Variants in TMEM245 observed in about 807,000 individuals in gnomAD.
TMEM245 encodes the protein protein CG-2.
Under a neutral mutation model 101.2 loss-of-function variants are expected in TMEM245, and 69 were observed. The observed-to-expected ratio is 0.68, with a 90% CI of 0.56 to 0.83. The LOEUF (loss-of-function observed/expected upper bound fraction) is 0.83, where lower values mean the gene tolerates loss of function less well. Among genes scored for constraint, TMEM245 ranks in the 40% least tolerant of loss-of-function variants. The pLI, the probability that TMEM245 is intolerant of heterozygous loss-of-function variation, is 0.00. For missense variants in TMEM245, 1,075 were observed against 1,092.8 expected, an observed-to-expected ratio of 0.98 and a Z score of 0.23; for synonymous variants, 537 against 449.8, an observed-to-expected ratio of 1.19 and a Z score of -2.45.
intron 12 of TMEM245, among the ~76,000 whole-genome samples, chr9:109,053,869 G>A (rs1197498684): frequency 6.6e-6 from 1 of 152,228 alleles, no homozygotes; most frequent in Non-Finnish European, 1.5e-5. Flanking sequence ...TGGCAGAACT[G>A]AGCCACCTCT....
intron 14 of TMEM245, 23 bp from the exon 15 acceptor site, chr9:109,038,140 G>GA (rs757963683): frequency 1.9e-5 from 30 of 1,584,962 alleles, no homozygotes; most frequent in Non-Finnish European, 2.5e-5. Flanking sequence ...AAGATAAAAA[G>GA]AAAGAGTAAA....
In TMEM245 at chr9:109,106,532, T is replaced by G; in HGVS notation, c.775A>C (p.Lys259Gln). The G allele has an allele frequency of 1.2e-6, 2 of 1,611,134 alleles. No homozygotes were observed. Among genetic ancestry groups the G allele is most frequent in the Non-Finnish European group, 1.7e-6 (2 of 1,178,254 alleles). The change falls in exon 3 of 18, where the codon AAA becomes CAA. Residue 259 changes from lysine to glutamine, a missense_variant. Coordinates refer to ENST00000374586, the MANE Select transcript of TMEM245 (RefSeq NM_032012.4). ...FLMSVGTLYE[K>Q]QNGKESSGAE... ...CCAGAAGACTCTTTTCCATTCTGTT[T>G]TTCATAGAGGGTACCCACAGACATC...
chr9:109,103,350 C>T (rs942605238), intron 3 of TMEM245, among the ~76,000 whole-genome samples: 35 of 152,156 alleles, frequency 2.3e-4, no homozygotes, highest in Admixed American at 2.3e-3. Context: ...AACAATTCCA[C>T]ATGATAGTAT....
At chr9:109,093,332 G>T in intron 4 of TMEM245, 143 bp downstream of exon 4, 1 of 656,516 alleles carries the variant, frequency 1.5e-6, no homozygotes. Flanking sequence ...GAGGGAAAAG[G>T]GCATAAAAAT....
At chr9:109,103,730 C>T (rs1227842652) in intron 3 of TMEM245, among the ~76,000 whole-genome samples, 1 of 151,942 alleles carries the variant, frequency 6.6e-6, no homozygotes, top group Admixed American at 6.6e-5. Flanking sequence ...TTACCAGAGG[C>T]TGGGAAGGAT....
At chr9:109,039,098 T>C (rs1053406699) in intron 14 of TMEM245, 9 of 152,178 alleles carry the variant, frequency 5.9e-5, no homozygotes, top group African/African-American at 2.2e-4. Context: ...ACACCAAGCT[T>C]TTCTAAAGCA....
chr9:109,094,627 T>C (rs1830092135), intron 3 of TMEM245, among the ~76,000 whole-genome samples: 1 of 152,228 alleles, frequency 6.6e-6, no homozygotes, highest in Non-Finnish European at 1.5e-5. Flanking sequence ...ATTGCACTGC[T>C]TCCACCTGTG....
At chr9:109,095,070 G>A (rs140121940) in intron 3 of TMEM245, among the ~76,000 whole-genome samples, 1,745 of 152,192 alleles carry the variant, frequency 0.011, 14 homozygotes, top group South Asian at 0.031. Flanking sequence ...TCTAATAAAT[G>A]CCCCTGTGAC....
intron 3 of TMEM245, among the ~76,000 whole-genome samples, chr9:109,094,170 T>C (rs1231679985): frequency 1.3e-5 from 2 of 152,234 alleles, no homozygotes; most frequent in Non-Finnish European, 2.9e-5. Context: ...CCATGTTAAA[T>C]TCCTAATAGG....
intron 9 of TMEM245, among the ~76,000 whole-genome samples, chr9:109,068,101 C>T (rs1829222049): frequency 6.6e-6 from 1 of 152,180 alleles, no homozygotes; most frequent in Non-Finnish European, 1.5e-5. Context: ...GACGCGGTCA[C>T]TCAAGTCTGT....
chr9:109,063,351 C>T (rs1286695460), intron 10 of TMEM245, among the ~76,000 whole-genome samples: 1 of 152,136 alleles, frequency 6.6e-6, no homozygotes. Flanking sequence ...AACTCTTGAC[C>T]CCATGATCCG....
At chr9:109,067,870 G>C (rs370919162) in intron 9 of TMEM245, among the ~76,000 whole-genome samples, 1 of 152,152 alleles carries the variant, frequency 6.6e-6, no homozygotes, top group Admixed American at 6.5e-5. Flanking sequence ...ATTCTTAACT[G>C]TATCTTCTCC....
At chr9:109,073,875 TA>T (rs1829414707) in intron 8 of TMEM245, among the ~76,000 whole-genome samples, 1 of 149,668 alleles carries the variant, frequency 6.7e-6, no homozygotes, top group Admixed American at 6.7e-5. Flanking sequence ...TTTTTTTTTT[TA>T]GCCAGGTTCT....
chr9:109,050,668 T>A lies in TMEM245; in HGVS notation c.1879A>T (p.Met627Leu). 1 of 1,612,606 alleles carries A rather than the reference T, an allele frequency of 6.2e-7. No individual in the cohort carries two copies. The highest frequency in any genetic ancestry group is 8.5e-7 in the Non-Finnish European group (1 of 1,179,796). Residue 627 changes from methionine (M) to leucine (L), a missense_variant, in exon 13 of 18, where the codon ATG becomes TTG. Met to Leu is a conservative substitution (Grantham distance 15, BLOSUM62 2). This residue lies in a region of TMEM245 where 267 missense variants were observed against 351.3 expected (regional missense o/e 0.76). Coordinates refer to ENST00000374586, the MANE Select transcript of TMEM245 (RefSeq NM_032012.4). ...AACAGCAGGCTCACATTCCGGCTCA[T>A]AACGATCCACAGAGACTCCAAGATC... is the stretch of plus-strand genomic sequence containing the variant. ...LSILESLWIV[M>L]SRNVSLLFTT...
intron 3 of TMEM245, among the ~76,000 whole-genome samples, chr9:109,097,564 A>G (rs768652761): frequency 1.1e-4 from 17 of 152,212 alleles, no homozygotes; most frequent in Non-Finnish European, 2.2e-4. Context: ...CAGTCTCCTC[A>G]TGTGTAAAAA....
In TMEM245 at chr9:109,036,229, A is replaced by G. The variant is rs749270450; in HGVS notation, c.2376T>C (p.Thr792=). 1 of 1,612,078 alleles carries G rather than the reference A, an allele frequency of 6.2e-7. No individual in the cohort carries two copies. The highest frequency in any genetic ancestry group is 8.5e-7 in the Non-Finnish European group (1 of 1,179,624). The change falls in exon 16 of 18, where the codon ACT becomes ACC. Residue 792 remains threonine, a synonymous_variant. Coordinates refer to ENST00000374586, the MANE Select transcript of TMEM245 (RefSeq NM_032012.4). Reference sequence around the variant, plus strand: ...ACCCTGATATGTCAGAGTAGATTGCAGTATCTACAAAGTATGTTGGCAAGA... The same window carrying G: ...ACCCTGATATGTCAGAGTAGATTGCGGTATCTACAAAGTATGTTGGCAAGA... ...FHLLPTYFVD[T]AIYSDISGGG...
intron 12 of TMEM245, among the ~76,000 whole-genome samples, chr9:109,056,259 G>A (rs577372597): frequency 2.1e-4 from 32 of 152,050 alleles, no homozygotes; most frequent in Admixed American, 1.5e-3. Context: ...ATCTTTTAGC[G>A]TTGCTGCCTT....
chr9:109,103,565 A>G (rs1009101413), intron 3 of TMEM245, among the ~76,000 whole-genome samples: 1 of 152,182 alleles, frequency 6.6e-6, no homozygotes, highest in Non-Finnish European at 1.5e-5. Flanking sequence ...AAAGAATGAG[A>G]TCCTGTCATT....
chr9:109,109,523 A>G (rs150760067), intron 1 of TMEM245, among the ~76,000 whole-genome samples: 189 of 152,236 alleles, frequency 1.2e-3, no homozygotes, highest in Middle Eastern at 6.8e-3. Context: ...GATTACTAAA[A>G]AAGACAGAAA....
Sources: allele counts gnomAD v4.1 joint callset (sites outside exome capture counted in the v4.1 genomes callset), GRCh38; gene constraint gnomAD v4.1.1; regional missense constraint gnomAD v4.1.1; transcripts MANE v1.5; gene names NCBI Gene and HGNC (gene_info 2026-07-23, HGNC 2026-07-21).